AIF1L: variants seen among roughly 807,000 people sequenced by gnomAD.
AIF1L encodes allograft inflammatory factor 1-like.
A neutral mutation model predicts 20.7 loss-of-function variants in AIF1L; 12 were observed. That is an observed-to-expected ratio of 0.58 (90% CI 0.37 to 0.94). The LOEUF is 0.94. Among genes scored for constraint, AIF1L ranks in the 40% least tolerant of loss-of-function variants. The pLI is 0.01. For missense variants in AIF1L, 173 were observed against 185.3 expected (o/e 0.93, Z 0.39); for synonymous variants, 76 against 65.1 (o/e 1.17, Z -0.81).
chr9:131,111,422 G>A, intron 2 of AIF1L, 175 bp from the exon 3 acceptor site: 1 of 643,082 alleles, frequency 1.6e-6, no homozygotes, highest in East Asian at 2.6e-5. Flanking sequence ...CCCACAGGGT[G>A]GCCAGTGCAG....
At chr9:131,096,984 CT>C in intron 2 of AIF1L, 121 bp downstream of exon 2, 2 of 1,171,524 alleles carry the variant, frequency 1.7e-6, no homozygotes, top group South Asian at 3.6e-5. Context: ...TTCCCCTGGG[CT>C]TCCCTCAGGT....
intron 2 of AIF1L, 150 bp downstream of exon 2, chr9:131,097,013 G>A: frequency 1.1e-6 from 1 of 889,212 alleles, no homozygotes; most frequent in East Asian, 3.3e-5. Flanking sequence ...TCCGCCCCCA[G>A]CCCCGTCGCC....
chr9:131,120,352 A>ACC lies in AIF1L; in HGVS notation c.*33_*34dup, dbSNP rs1248115600. On this transcript the variant is annotated 3_prime_UTR_variant, in exon 6 of 6. Coordinates refer to ENST00000247291, the MANE Select transcript of AIF1L (RefSeq NM_031426.4). ...CCCGCCTGGACTCCCCAGCCTTCCC[A>ACC]CCCCATACCTCCCTCCCGATCTTGC... 2 of 1,323,104 alleles carry ACC rather than the reference A, an allele frequency of 1.5e-6. No individual in the cohort carries two copies. Among genetic ancestry groups the ACC allele is most frequent in the Non-Finnish European group, 1.0e-6 (1 of 986,440 alleles). The allele number at this position is 1,323,104 out of a possible 1,614,324, so 82.0% of individuals were successfully genotyped here. A position where few individuals can be genotyped will look rare whatever the true frequency, so the allele number is the denominator to read the frequency against.
chr9:131,102,980 G>A, intron 2 of AIF1L: 2 of 456,404 alleles, frequency 4.4e-6, no homozygotes, highest in Non-Finnish European at 8.8e-6. Flanking sequence ...TCGCCAGAAG[G>A]TGCTAGAGGT....
Position 131,120,662 on chromosome 9 carries a change from C to A in AIF1L, c.*340C>A. 3.3e-6 allele frequency: 1 copy of A among 307,596 alleles called. No individual in the cohort carries two copies. Among genetic ancestry groups the A allele is most frequent in the Non-Finnish European group, 6.0e-6 (1 of 167,642 alleles). The allele number at this position is 307,596 out of a possible 1,614,324, so 19.1% of individuals were successfully genotyped here. A position where few individuals can be genotyped will look rare whatever the true frequency, so the allele number is the denominator to read the frequency against. ...CTTGGAGGAACCAGCACTCTCCATC[C>A]TTTCAGAAAGTCTCCAAGCCAAGTT... On this transcript the variant is annotated 3_prime_UTR_variant, in exon 6 of 6. Transcript: ENST00000247291.
chr9:131,108,632 A>T (rs1830805470), intron 2 of AIF1L, among the ~76,000 whole-genome samples: 1 of 152,246 alleles, frequency 6.6e-6, no homozygotes, highest in African/African-American at 2.4e-5. Flanking sequence ...ATGTTTTACC[A>T]AAAGCTACAG....
At chr9:131,096,763 A>T (rs1204792866) in intron 1 of AIF1L, 39 bp from the exon 2 acceptor site, 2 of 1,509,030 alleles carry the variant, frequency 1.3e-6, no homozygotes, top group Non-Finnish European at 1.8e-6. Context: ...TGGCCCGAAG[A>T]GGACCCCGCT....
intron 4 of AIF1L, 109 bp downstream of exon 4, chr9:131,114,727 A>G (rs1207265685): frequency 2.7e-5 from 38 of 1,421,804 alleles, no homozygotes; most frequent in Non-Finnish European, 3.4e-5. Flanking sequence ...AGGCTGGTGA[A>G]TATGTTGCGC....
In AIF1L at chr9:131,120,804, G is replaced by A. The variant is rs1418638788; in HGVS notation, c.*482G>A. ...CCTTGGACAGTGCCATGGCTCCAGT[G>A]CTCTGGTGTCACCCAGGACACAGCC... On this transcript the variant is annotated 3_prime_UTR_variant, in exon 6 of 6. Transcript: ENST00000247291. 2 of 392,598 alleles carry A rather than the reference G, an allele frequency of 5.1e-6. No homozygotes were observed. The highest frequency in any genetic ancestry group is 6.8e-4 in the Middle Eastern group (1 of 1,464). The allele number at this position is 392,598 out of a possible 1,614,324, so 24.3% of individuals were successfully genotyped here. A position where few individuals can be genotyped will look rare whatever the true frequency, so the allele number is the denominator to read the frequency against.
intron 2 of AIF1L, chr9:131,103,051 C>T (rs1056081256): frequency 8.4e-5 from 38 of 452,728 alleles, no homozygotes; most frequent in African/African-American, 7.6e-4. Flanking sequence ...CTTCTGAGGA[C>T]AGGCACGGCA....
intron 5 of AIF1L, 53 bp downstream of exon 5, chr9:131,117,971 A>G: frequency 6.5e-7 from 1 of 1,528,148 alleles, no homozygotes; most frequent in Non-Finnish European, 8.8e-7. Flanking sequence ...CATTCTGTGC[A>G]GAGAGGCCCC....
intron 2 of AIF1L, among the ~76,000 whole-genome samples, chr9:131,109,788 G>A (rs1233770147): frequency 6.6e-6 from 1 of 152,194 alleles, no homozygotes. Context: ...CAGGCCAGAT[G>A]AACACCTGCA....
intron 2 of AIF1L, among the ~76,000 whole-genome samples, chr9:131,108,887 A>G (rs959167748): frequency 1.8e-4 from 28 of 152,214 alleles, no homozygotes; most frequent in African/African-American, 6.5e-4. Flanking sequence ...ATCCAAACCC[A>G]GATTGCTTTA....
At chr9:131,101,247 A>G (rs1830634479) in intron 2 of AIF1L, among the ~76,000 whole-genome samples, 1 of 152,152 alleles carries the variant, frequency 6.6e-6, no homozygotes, top group Admixed American at 6.5e-5. Context: ...CTCCATGCCC[A>G]CAGATTGACA....
chr9:131,118,545 T>C (rs556496718), intron 5 of AIF1L, among the ~76,000 whole-genome samples: 1 of 151,136 alleles, frequency 6.6e-6, no homozygotes, highest in African/African-American at 2.4e-5. Context: ...GAGCCTTAGT[T>C]TTCCTTTTTT....
chr9:131,114,085 C>A (rs1830953755), intron 3 of AIF1L: 1 of 180,858 alleles, frequency 5.5e-6, no homozygotes, highest in African/African-American at 2.3e-5. Context: ...TGGGCTAGGG[C>A]AGGCCTTTTT....
intron 2 of AIF1L, among the ~76,000 whole-genome samples, chr9:131,100,371 G>A (rs1406316288): frequency 6.6e-6 from 1 of 152,176 alleles, no homozygotes; most frequent in Non-Finnish European, 1.5e-5. Flanking sequence ...GTATGTGCCC[G>A]TCCTGTGCCA....
At chr9:131,111,453 A>T (rs1830881040) in intron 2 of AIF1L, 144 bp from the exon 3 acceptor site, 4 of 736,182 alleles carry the variant, frequency 5.4e-6, no homozygotes, top group Admixed American at 2.2e-5. Context: ...AAGGGGCGAC[A>T]GGAAGCCGGG....
At chr9:131,102,962 G>A (rs148783740) in intron 2 of AIF1L, 9 of 456,398 alleles carry the variant, frequency 2.0e-5, no homozygotes, top group African/African-American at 1.4e-4. Flanking sequence ...AGGGCCAGGA[G>A]CAAGGGTTCG....
Sources: allele counts gnomAD v4.1 joint callset (sites outside exome capture counted in the v4.1 genomes callset), GRCh38; gene constraint gnomAD v4.1.1; transcripts MANE v1.5; gene names NCBI Gene and HGNC (gene_info 2026-07-23, HGNC 2026-07-21).